Variants in FOXP2 observed in about 807,000 individuals in gnomAD.
FOXP2 encodes forkhead box P2, also known as forkhead box protein P2.
A neutral mutation model predicts 115.8 loss-of-function variants in FOXP2; 12 were observed. The ratio of observed to expected loss-of-function variants is 0.10; its 90% CI spans 0.07 to 0.17. The LOEUF is 0.17. FOXP2 is among the 10% of genes least tolerant of loss of function. The pLI, the probability that FOXP2 is intolerant of heterozygous loss-of-function variation, is 1.00. For synonymous variants in FOXP2, 328 were observed against 297.7 expected (o/e 1.10, Z -1.05); for missense variants, 629 against 843.5 (o/e 0.75, Z 3.15).
At chr7:114,334,928 A>AATATAT (rs1425036052) in intron 2 of FOXP2, among the ~76,000 whole-genome samples, 93 of 111,818 alleles carry the variant, frequency 8.3e-4, no homozygotes, top group African/African-American at 2.9e-3. Flanking sequence ...TATATATAGA[A>AATATAT]ATCTATATAT....
intron 6 of FOXP2, among the ~76,000 whole-genome samples, chr7:114,638,233 C>A (rs1056596324): frequency 1.3e-5 from 2 of 152,110 alleles, no homozygotes; most frequent in Admixed American, 1.3e-4. Context: ...TAAAGAGTTT[C>A]TTGGGTTTTT....
intron 2 of FOXP2, among the ~76,000 whole-genome samples, chr7:114,305,124 T>C (rs1007866720): frequency 6.6e-6 from 1 of 152,192 alleles, no homozygotes; most frequent in African/African-American, 2.4e-5. Flanking sequence ...GTTTGTAAGA[T>C]GTTTAATTAC....
chr7:114,120,815 C>T (rs1301780472), intron 1 of FOXP2, among the ~76,000 whole-genome samples: 2 of 152,044 alleles, frequency 1.3e-5, no homozygotes, highest in South Asian at 2.1e-4. Context: ...GAGTCACAGA[C>T]GTTCAGCTAC....
At chr7:114,459,887 A>T (rs773993614) in intron 2 of FOXP2, among the ~76,000 whole-genome samples, 1 of 152,170 alleles carries the variant, frequency 6.6e-6, no homozygotes, top group African/African-American at 2.4e-5. Context: ...AAGTTCTGGG[A>T]TTACAGGCCT....
intron 6 of FOXP2, among the ~76,000 whole-genome samples, chr7:114,635,967 A>C (rs1805196056): frequency 6.6e-6 from 1 of 152,160 alleles, no homozygotes; most frequent in African/African-American, 2.4e-5. Flanking sequence ...TGGAGAAGAT[A>C]ATTTATCTTT....
chr7:114,659,681 C>T lies in FOXP2; in HGVS notation c.1647+8C>T. 1 of 1,610,056 alleles carries T rather than the reference C, an allele frequency of 6.2e-7. No individual in the cohort carries two copies. Among genetic ancestry groups the T allele is most frequent in the Non-Finnish European group, 8.5e-7 (1 of 1,176,458 alleles). ...AATGCAGCAACTTGGAAGGTAACTA[C>T]TTTTCCAGCAGTTTTAAGATGCCTA... On this transcript the variant is annotated splice_region_variant and intron_variant, in intron 13 of 16. Coordinates refer to ENST00000350908, the MANE Select transcript of FOXP2 (RefSeq NM_014491.4).
chr7:114,407,546 G>A (rs1415853887), intron 2 of FOXP2, among the ~76,000 whole-genome samples: 6 of 152,078 alleles, frequency 3.9e-5, no homozygotes, highest in African/African-American at 1.4e-4. Context: ...AATGCTTTAT[G>A]TAGTGAGAGG....
intron 2 of FOXP2, among the ~76,000 whole-genome samples, chr7:114,368,653 C>T (rs916402736): frequency 5.9e-5 from 9 of 152,170 alleles, no homozygotes; most frequent in Non-Finnish European, 7.3e-5. Flanking sequence ...GGTCTAACCT[C>T]ATGGCTAGAG....
intron 2 of FOXP2, among the ~76,000 whole-genome samples, chr7:114,314,142 T>C (rs973787529): frequency 6.6e-6 from 1 of 151,866 alleles, no homozygotes; most frequent in Non-Finnish European, 1.5e-5. Flanking sequence ...TTCTCAGTGC[T>C]AATTACATTT....
At chr7:114,151,265 A>G (rs968221984) in intron 1 of FOXP2, among the ~76,000 whole-genome samples, 19 of 152,170 alleles carry the variant, frequency 1.2e-4, no homozygotes, top group African/African-American at 4.6e-4. Context: ...TATGCTAGCA[A>G]AATTTTAATC....
chr7:114,501,193 A>C (rs917706744), intron 2 of FOXP2, among the ~76,000 whole-genome samples: 1 of 152,208 alleles, frequency 6.6e-6, no homozygotes, highest in African/African-American at 2.4e-5. Flanking sequence ...TTAGAAGTTC[A>C]TCAATTTAAA....
intron 2 of FOXP2, among the ~76,000 whole-genome samples, chr7:114,490,504 A>G (rs1006503310): frequency 6.6e-6 from 1 of 151,754 alleles, no homozygotes. Flanking sequence ...GATGCATGTC[A>G]TTACACTTTT....
At position 114,647,475 on chromosome 7, in the gene FOXP2, TA is replaced by T. The variant is rs557077538; in HGVS notation, c.1094+2694del. On this transcript the variant is annotated intron_variant, in intron 8 of 16. Transcript: ENST00000350908. ...AATTGAGGCACTCTTTTCCATTGGATAAAAAAAATTCAGACTAAGTTAGAAG... is the reference window on the plus strand; with the variant it reads ...AATTGAGGCACTCTTTTCCATTGGATAAAAAAATTCAGACTAAGTTAGAAG... Among the ~76,000 whole-genome samples the T allele has an allele frequency of 1.1e-4, 16 of 151,574 alleles. No individual in the cohort carries two copies. In the South Asian group the frequency reaches 1.2e-3, roughly 12 times the overall value.
chr7:114,471,962 GAAA>G (rs755686269), intron 2 of FOXP2, among the ~76,000 whole-genome samples: 2 of 120,692 alleles, frequency 1.7e-5, no homozygotes, highest in Middle Eastern at 8.2e-3. Flanking sequence ...TCCATCTCAG[GAAA>G]AAAAAAAAAA....
At chr7:114,631,745 G>T in intron 6 of FOXP2, 40 bp downstream of exon 6, 2 of 1,604,502 alleles carry the variant, frequency 1.2e-6, no homozygotes, top group South Asian at 2.2e-5. Context: ...TTCAAATCTT[G>T]TACTTTCTAC....
chr7:114,678,657 A>G (rs767450522), intron 16 of FOXP2, among the ~76,000 whole-genome samples: 27 of 150,952 alleles, frequency 1.8e-4, no homozygotes, highest in Non-Finnish European at 3.5e-4. Context: ...CTATAAGAAC[A>G]CAGATGAAAA....
chr7:114,479,240 C>T (rs913610417), intron 2 of FOXP2, among the ~76,000 whole-genome samples: 3 of 151,536 alleles, frequency 2.0e-5, no homozygotes, highest in Non-Finnish European at 4.4e-5. Context: ...GGAGTGCAGG[C>T]TTTTTGTAAA....
intron 2 of FOXP2, among the ~76,000 whole-genome samples, chr7:114,427,307 A>AC (rs1211499132): frequency 1.3e-5 from 2 of 151,534 alleles, no homozygotes; most frequent in Non-Finnish European, 3.0e-5. Flanking sequence ...ATTCTCTTTA[A>AC]ATCTGGAAAT....
chr7:114,590,518 C>T (rs1181723160), intron 3 of FOXP2, among the ~76,000 whole-genome samples: 1 of 152,090 alleles, frequency 6.6e-6, no homozygotes, highest in Non-Finnish European at 1.5e-5. Flanking sequence ...ATTAACTTCC[C>T]AAGTCTGCTC....
Sources: allele counts gnomAD v4.1 joint callset (sites outside exome capture counted in the v4.1 genomes callset), GRCh38; gene constraint gnomAD v4.1.1; transcripts MANE v1.5; gene names NCBI Gene and HGNC (gene_info 2026-07-23, HGNC 2026-07-21).